The following SLC4A10 variants were observed in gnomAD, a reference collection of about 807,000 sequenced individuals.
SLC4A10 encodes sodium-driven chloride bicarbonate exchanger.
Under a neutral mutation model 137.7 loss-of-function variants are expected in SLC4A10, and 42 were observed. The ratio of observed to expected loss-of-function variants is 0.30; its 90% CI spans 0.24 to 0.39. SLC4A10 has a LOEUF of 0.39. SLC4A10 is among the 10% of genes least tolerant of loss of function. The pLI, the probability that SLC4A10 is intolerant of heterozygous loss-of-function variation, is 1.00. For missense variants in SLC4A10, 925 were observed against 1,355.0 expected, an observed-to-expected ratio of 0.68 and a Z score of 4.98; for synonymous variants, 474 against 464.1, an observed-to-expected ratio of 1.02 and a Z score of -0.27.
At chr2:161,770,936 G>A (rs376418476) in intron 1 of SLC4A10, 37 bp from the exon 2 acceptor site, 25 of 1,421,514 alleles carry the variant, frequency 1.8e-5, no homozygotes, top group Middle Eastern at 1.8e-4. Context: ...GATAATATGT[G>A]TGTTATCATT....
chr2:161,658,596 CT>C lies in SLC4A10; in HGVS notation c.48+34047del, dbSNP rs35686377. ...ACCATGTGTTTAAGAAAATAGTTTC[CT>C]TTTTTTTTTTTTTTTTGATGGAGTC... On this transcript the variant is annotated intron_variant, in intron 1 of 26. Transcript: ENST00000446997. Among the ~76,000 whole-genome samples, 411 of 128,360 alleles carry C rather than the reference CT, an allele frequency of 3.2e-3. 3 individuals are homozygous for C. Among genetic ancestry groups the C allele is most frequent in the African/African-American group, 9.7e-3 (332 of 34,292 alleles). The allele number at this position is 128,360 out of a possible 152,430, so 84.2% of individuals were successfully genotyped here. A position where few individuals can be genotyped will look rare whatever the true frequency, so the allele number is the denominator to read the frequency against.
chr2:161,827,171 C>T (rs1198243015), intron 3 of SLC4A10, among the ~76,000 whole-genome samples: 1 of 152,188 alleles, frequency 6.6e-6, no homozygotes, highest in Non-Finnish European at 1.5e-5. Context: ...AACCTTATTA[C>T]TTCTCCAGTG....
intron 15 of SLC4A10, among the ~76,000 whole-genome samples, chr2:161,919,017 T>G (rs1172700849): frequency 6.6e-6 from 1 of 152,296 alleles, no homozygotes. Flanking sequence ...AAGCACTTGC[T>G]CCTGCTGTCT....
chr2:161,816,273 C>T (rs1024872041), intron 3 of SLC4A10, among the ~76,000 whole-genome samples: 1 of 152,028 alleles, frequency 6.6e-6, no homozygotes, highest in Non-Finnish European at 1.5e-5. Context: ...CTGCAGGTGC[C>T]TCAAAATTCT....
chr2:161,729,966 G>A (rs1362649364), intron 1 of SLC4A10, among the ~76,000 whole-genome samples: 1 of 152,108 alleles, frequency 6.6e-6, no homozygotes, highest in Non-Finnish European at 1.5e-5. Flanking sequence ...GGAATATAAA[G>A]CCGGCCAAGA....
At chr2:161,652,701 T>A (rs1339657987) in intron 1 of SLC4A10, among the ~76,000 whole-genome samples, 1 of 152,162 alleles carries the variant, frequency 6.6e-6, no homozygotes. Flanking sequence ...CTAGAAATTT[T>A]TCAGTTTGCA....
At chr2:161,829,342 A>G (rs925672981) in intron 3 of SLC4A10, among the ~76,000 whole-genome samples, 2 of 152,156 alleles carry the variant, frequency 1.3e-5, no homozygotes, top group Non-Finnish European at 2.9e-5. Context: ...TGACCAAGCA[A>G]CTATTCAAAG....
At position 161,879,351 on chromosome 2, in the gene SLC4A10, A is replaced by G. The variant is rs1322228797; in HGVS notation, c.1106+63A>G. 3.4e-6 allele frequency: 5 copies of G among 1,458,710 alleles called. No homozygotes were observed. In the African/African-American group the frequency reaches 7.1e-5, roughly 21 times the overall value. The allele number at this position is 1,458,710 out of a possible 1,614,324, so 90.4% of individuals were successfully genotyped here. On this transcript the variant is annotated intron_variant, in intron 9 of 26. Coordinates refer to ENST00000446997, the MANE Select transcript of SLC4A10 (RefSeq NM_001178015.2). ...ACCATCTTTTCATGGAAAGAAAATG[A>G]GGATTCAATGTAATTTTCTGTTAGA... is the stretch of plus-strand genomic sequence containing the variant.
chr2:161,658,041 A>G (rs1017792188), intron 1 of SLC4A10, among the ~76,000 whole-genome samples: 1 of 152,186 alleles, frequency 6.6e-6, no homozygotes, highest in African/African-American at 2.4e-5. Context: ...GGTGCTCATG[A>G]CACAATTTAT....
chr2:161,844,698 G>A (rs560966419), intron 4 of SLC4A10, among the ~76,000 whole-genome samples: 3 of 152,154 alleles, frequency 2.0e-5, no homozygotes, highest in East Asian at 3.9e-4. Context: ...TTCTCTAGAA[G>A]CACCTAATTG....
intron 5 of SLC4A10, among the ~76,000 whole-genome samples, chr2:161,858,910 G>A (rs1368564348): frequency 1.3e-5 from 2 of 152,262 alleles, no homozygotes; most frequent in Non-Finnish European, 2.9e-5. Context: ...TGGGAGTATA[G>A]GAATAACCAT....
At chr2:161,702,073 A>G (rs1297023371) in intron 1 of SLC4A10, among the ~76,000 whole-genome samples, 1 of 151,970 alleles carries the variant, frequency 6.6e-6, no homozygotes, top group Non-Finnish European at 1.5e-5. Context: ...AAGAAAGGAA[A>G]TCAGTATATT....
At chr2:161,786,240 A>C (rs950746615) in intron 2 of SLC4A10, among the ~76,000 whole-genome samples, 2 of 151,800 alleles carry the variant, frequency 1.3e-5, no homozygotes, top group African/African-American at 4.8e-5. Flanking sequence ...TAAGAATAGC[A>C]ACCTATGCTC....
At chr2:161,948,164 G>A (rs759203322) in intron 17 of SLC4A10, among the ~76,000 whole-genome samples, 3 of 151,888 alleles carry the variant, frequency 2.0e-5, no homozygotes, top group Admixed American at 1.3e-4. Flanking sequence ...AACCCACCAC[G>A]TTTGCATCTG....
intron 1 of SLC4A10, among the ~76,000 whole-genome samples, chr2:161,767,738 G>A (rs965673881): frequency 6.6e-6 from 1 of 151,924 alleles, no homozygotes; most frequent in African/African-American, 2.4e-5. Context: ...TTCTTGAAAA[G>A]GATTTGGAAT....
At chr2:161,840,003 C>T (rs2125790491) in intron 4 of SLC4A10, 76 bp downstream of exon 4, 1 of 1,566,452 alleles carries the variant, frequency 6.4e-7, no homozygotes, top group Non-Finnish European at 8.7e-7. Flanking sequence ...TCTAATGCAA[C>T]AATTTTGCAA....
At chr2:161,906,202 G>T (rs1013883931) in intron 15 of SLC4A10, among the ~76,000 whole-genome samples, 1 of 152,124 alleles carries the variant, frequency 6.6e-6, no homozygotes, top group African/African-American at 2.4e-5. Flanking sequence ...CGAAATATAT[G>T]TTATTTGGCG....
At chr2:161,812,043 T>G (rs567054226) in intron 3 of SLC4A10, among the ~76,000 whole-genome samples, 4 of 152,154 alleles carry the variant, frequency 2.6e-5, no homozygotes, top group Admixed American at 2.6e-4. Context: ...CCATATTGCT[T>G]TATTTGGTTT....
At chr2:161,962,978 A>G (rs77632359) in intron 21 of SLC4A10, among the ~76,000 whole-genome samples, 3,842 of 152,288 alleles carry the variant, frequency 0.025, 68 homozygotes, top group African/African-American at 0.05. Flanking sequence ...TTGAAAATGC[A>G]TAATGGATGT....
Sources: gnomAD v4.1 joint callset for allele counts (sites outside exome capture counted in the v4.1 genomes callset) on GRCh38, gnomAD v4.1.1 for gene constraint, MANE v1.5 for transcripts, NCBI Gene and HGNC (gene_info 2026-07-23, HGNC 2026-07-21) for gene names.